PPM1H: variants seen among roughly 807,000 people sequenced by gnomAD.
PPM1H encodes the protein protein phosphatase, Mg2+/Mn2+ dependent 1H.
PPM1H carries 27 observed loss-of-function variants against 54.9 expected under a neutral mutation model. The observed-to-expected ratio is 0.49, with a 90% confidence interval of 0.36 to 0.68. The LOEUF is 0.68. Ranked by LOEUF, PPM1H falls within the 30% of genes least tolerant of loss-of-function variation. The probability of loss-of-function intolerance (pLI) is 0.00; values close to 1 mark genes in which losing one functional copy is unlikely to be tolerated. For synonymous variants in PPM1H, 305 were observed against 270.8 expected (o/e 1.13, Z -1.24); for missense variants, 596 against 667.8 (o/e 0.89, Z 1.19).
At chr12:62,814,221 G>C (rs943110765) in intron 2 of PPM1H, among the ~76,000 whole-genome samples, 1 of 152,048 alleles carries the variant, frequency 6.6e-6, no homozygotes, top group African/African-American at 2.4e-5. Flanking sequence ...ATGGGACCAT[G>C]AGTGCACCAC....
intron 8 of PPM1H, among the ~76,000 whole-genome samples, chr12:62,677,218 C>G (rs905499640): frequency 1.3e-5 from 2 of 152,222 alleles, no homozygotes. Flanking sequence ...CACCTCTTCA[C>G]CTTGCTCACC....
At chr12:62,663,932 G>A (rs555624842) in intron 9 of PPM1H, among the ~76,000 whole-genome samples, 223 of 151,964 alleles carry the variant, frequency 1.5e-3, no homozygotes, top group Non-Finnish European at 2.5e-3. Context: ...CGGAGGTTGC[G>A]GTGAGCTGAG....
intron 9 of PPM1H, among the ~76,000 whole-genome samples, chr12:62,663,327 T>C (rs983668572): frequency 1.5e-5 from 2 of 131,596 alleles, no homozygotes; most frequent in African/African-American, 5.0e-5. Flanking sequence ...AATCTGCAAT[T>C]CTCTTTTAAA....
intron 6 of PPM1H, among the ~76,000 whole-genome samples, chr12:62,702,367 G>A (rs1166825111): frequency 6.6e-6 from 1 of 152,026 alleles, no homozygotes; most frequent in Non-Finnish European, 1.5e-5. Context: ...TGGTTTAAAG[G>A]CAAGTTCCTC....
chr12:62,909,913 T>C (rs1041069064), intron 1 of PPM1H, among the ~76,000 whole-genome samples: 19 of 152,222 alleles, frequency 1.2e-4, no homozygotes, highest in African/African-American at 4.3e-4. Flanking sequence ...CATTGTGGAA[T>C]TGAAGAATGA....
rs2075786838 is a variant in PPM1H at position 62,646,656 on chromosome 12, T to G, written c.*1833A>C. On this transcript the variant is annotated 3_prime_UTR_variant, in exon 10 of 10. Coordinates refer to ENST00000228705, the MANE Select transcript of PPM1H (RefSeq NM_020700.2). ...GCAGGAGGAAGAAACGTGCTGCAGA[T>G]GAAGACAACTCCTGACAAGGCCGAA... The G allele has an allele frequency of 6.6e-6, 1 of 152,226 alleles. No individual in the cohort carries two copies. The highest frequency in any genetic ancestry group is 2.4e-5 in the African/African-American group (1 of 41,450). 9.4% of individuals were successfully genotyped at this position (152,226 alleles called of 1,614,324 possible).
At chr12:62,863,598 C>A (rs1297609276) in intron 1 of PPM1H, among the ~76,000 whole-genome samples, 1 of 152,060 alleles carries the variant, frequency 6.6e-6, no homozygotes, top group Non-Finnish European at 1.5e-5. Context: ...TCTCCATAAG[C>A]CTAAGTTTGG....
chr12:62,787,769 G>C (rs1305512399), intron 4 of PPM1H, among the ~76,000 whole-genome samples: 1 of 152,218 alleles, frequency 6.6e-6, no homozygotes, highest in Non-Finnish European at 1.5e-5. Context: ...AGTTGAACCC[G>C]GACGTGAGGC....
chr12:62,836,000 A>T (rs7311022), intron 1 of PPM1H, among the ~76,000 whole-genome samples: 16,981 of 152,234 alleles, frequency 0.11, 1,808 homozygotes, highest in African/African-American at 0.28. Context: ...GATTCAACAG[A>T]TTCCTTAAAG....
intron 4 of PPM1H, among the ~76,000 whole-genome samples, chr12:62,765,745 G>A (rs2120630038): frequency 6.6e-6 from 1 of 152,326 alleles, no homozygotes; most frequent in South Asian, 2.1e-4. Flanking sequence ...CCTGGGATGG[G>A]ATGGAGGAGT....
rs1054148222 is a variant in PPM1H, at chr12:62,647,064, G to C, written c.*1425C>G. The C allele has an allele frequency of 2.6e-5, 4 of 152,150 alleles. No homozygotes were observed. The highest frequency in any genetic ancestry group is 9.7e-5 in the African/African-American group (4 of 41,444). 9.4% of individuals were successfully genotyped at this position (152,150 alleles called of 1,614,324 possible). A position where few individuals can be genotyped will look rare whatever the true frequency, so the allele number is the denominator to read the frequency against. The stretch of plus-strand genomic sequence containing the variant: ...AGCAGGAAGAAGACTAGGTAATTTT[G>C]TGGCCGTACAAGTCTGCCTAAGAGA... On this transcript the variant is annotated 3_prime_UTR_variant, in exon 10 of 10. Transcript: ENST00000228705.
chr12:62,928,816 C>T (rs1442475379), intron 1 of PPM1H, among the ~76,000 whole-genome samples: 1 of 152,188 alleles, frequency 6.6e-6, no homozygotes, highest in Non-Finnish European at 1.5e-5. Flanking sequence ...CTTTCCATTC[C>T]ACTGACCCCT....
intron 5 of PPM1H, among the ~76,000 whole-genome samples, chr12:62,721,308 G>A (rs1306172122): frequency 1.3e-5 from 2 of 152,186 alleles, no homozygotes; most frequent in African/African-American, 4.8e-5. Flanking sequence ...CCAATGCTAA[G>A]TTTTTCAGGA....
At chr12:62,890,981 C>T (rs1020209961) in intron 1 of PPM1H, among the ~76,000 whole-genome samples, 4 of 151,492 alleles carry the variant, frequency 2.6e-5, no homozygotes, top group Admixed American at 6.6e-5. Context: ...TGGTGGTGGG[C>T]GCCTGTAATC....
intron 1 of PPM1H, among the ~76,000 whole-genome samples, chr12:62,835,804 G>A (rs1868486585): frequency 6.6e-6 from 1 of 151,926 alleles, no homozygotes; most frequent in Admixed American, 6.6e-5. Flanking sequence ...AGCTTTAGTA[G>A]AAAGGCCTCA....
At chr12:62,822,610 C>T (rs1207771295) in intron 2 of PPM1H, among the ~76,000 whole-genome samples, 1 of 152,208 alleles carries the variant, frequency 6.6e-6, no homozygotes, top group Non-Finnish European at 1.5e-5. Context: ...CGCTCAACTA[C>T]ATGGAAACTG....
chr12:62,781,160 C>T (rs2076639976), intron 4 of PPM1H, among the ~76,000 whole-genome samples: 1 of 152,234 alleles, frequency 6.6e-6, no homozygotes, highest in African/African-American at 2.4e-5. Context: ...TGCTTCACAG[C>T]TACTCAGGCC....
At chr12:62,838,206 A>G (rs141747907) in intron 1 of PPM1H, among the ~76,000 whole-genome samples, 166 of 152,268 alleles carry the variant, frequency 1.1e-3, no homozygotes, top group African/African-American at 3.8e-3. Context: ...AAAAGTTTAC[A>G]CTAAGTGTTC....
chr12:62,687,051 G>A (rs577677517), intron 8 of PPM1H, among the ~76,000 whole-genome samples: 1 of 152,316 alleles, frequency 6.6e-6, no homozygotes, highest in Non-Finnish European at 1.5e-5. Context: ...ACTCCTCTCC[G>A]GAAATGTGGA....
Sources: gnomAD v4.1 joint callset for allele counts (sites outside exome capture counted in the v4.1 genomes callset) on GRCh38, gnomAD v4.1.1 for gene constraint, MANE v1.5 for transcripts, NCBI Gene and HGNC (gene_info 2026-07-23, HGNC 2026-07-21) for gene names.